The following KRT84 variants were observed in gnomAD, a reference collection of about 807,000 sequenced individuals.
KRT84 encodes the protein keratin, type II cuticular Hb4.
In KRT84, 38 loss-of-function variants were observed where a neutral mutation model predicts 49.0. The ratio of observed to expected loss-of-function variants is 0.78; its 90% CI spans 0.60 to 1.02. The LOEUF (loss-of-function observed/expected upper bound fraction) is 1.02, where lower values mean the gene tolerates loss of function less well. KRT84 is among the 50% of genes least tolerant of loss of function. KRT84 has a pLI of 0.00. For synonymous variants in KRT84, 334 were observed against 312.8 expected (o/e 1.07, Z -0.72); for missense variants, 860 against 788.6 (o/e 1.09, Z -1.08).
rs756326386 is a variant in KRT84 at position 52,380,477 on chromosome 12, G to C, written c.1310C>G (p.Ala437Gly). ...CAGCTGCCGCGCCATGTCCTGCTTG[G>C]CCTGCTGCAGGGCACACTCCAGATC... ...LADLECALQQ[A>G]KQDMARQLCE... Residue 437 changes from alanine (A) to glycine (G), a missense_variant, in exon 7 of 9, where the codon GCC (alanine) becomes GGC (glycine). Ala to Gly is a moderately conservative substitution (Grantham distance 60, BLOSUM62 0). Transcript: ENST00000257951. The C allele has an allele frequency of 2.5e-6, 4 of 1,614,130 alleles. No individual in the cohort carries two copies. The highest frequency in any genetic ancestry group is 3.4e-6 in the Non-Finnish European group (4 of 1,179,954).
intron 4 of KRT84, among the ~76,000 whole-genome samples, chr12:52,382,035 C>T (rs1385450582): frequency 6.6e-6 from 1 of 152,216 alleles, no homozygotes; most frequent in African/African-American, 2.4e-5. Flanking sequence ...TCAGCTCTGG[C>T]TGGGCCTATA....
At chr12:52,382,930 G>T in intron 3 of KRT84, 75 bp downstream of exon 3, 1 of 1,254,298 alleles carries the variant, frequency 8.0e-7, no homozygotes, top group Non-Finnish European at 1.2e-6. Flanking sequence ...GGCTGCCTGA[G>T]CAGTTTCCTG....
At chr12:52,378,589 A>T (rs1024237965) in intron 8 of KRT84, among the ~76,000 whole-genome samples, 4 of 152,196 alleles carry the variant, frequency 2.6e-5, no homozygotes, top group Non-Finnish European at 5.9e-5. Flanking sequence ...AAAATCAAAC[A>T]TTCAGATGAA....
Position 52,378,307 on chromosome 12 carries a change from G to A in KRT84, c.1530C>T (p.Gly510=), listed in dbSNP as rs550159082. Reference sequence around the variant, plus strand: ...TGCTGCTACCTGAGAAGGTGACCCCGCCGCGGGAGAGGGTGGAGCCGGCAA... The same window carrying A: ...TGCTGCTACCTGAGAAGGTGACCCCACCGCGGGAGAGGGTGGAGCCGGCAA... ...PLVAGSTLSR[G]GVTFSGSSSV... The change falls in exon 9 of 9, where the codon GGC becomes GGT. Residue 510 remains glycine, a synonymous_variant. Transcript: ENST00000257951. 8.4e-6 allele frequency: 13 copies of A among 1,538,904 alleles called. No homozygotes were observed. Among genetic ancestry groups the A allele is most frequent in the South Asian group, 3.6e-5 (3 of 83,126 alleles).
Position 52,385,223 on chromosome 12 carries a change from G to A in KRT84, c.363C>T (p.Gly121=). The change falls in exon 1 of 9, where the codon GGC becomes GGT. Residue 121 remains glycine, a synonymous_variant. Coordinates refer to ENST00000257951, the MANE Select transcript of KRT84 (RefSeq NM_033045.4). ...CAACCCCTCCAACTCTGTAACCAAA[G>A]CCAGGGCCACCAAAGCCATAGCCAA... ...SGIGYGFGGP[G]FGYRVGGVGV... The A allele has an allele frequency of 6.2e-7, 1 of 1,613,692 alleles. No homozygotes were observed. The highest frequency in any genetic ancestry group is 8.5e-7 in the Non-Finnish European group (1 of 1,179,736).
chr12:52,384,908 G>T, intron 1 of KRT84, 132 bp downstream of exon 1: 3 of 944,820 alleles, frequency 3.2e-6, no homozygotes, highest in Non-Finnish European at 4.8e-6. Flanking sequence ...CAATGCCTGA[G>T]GTAGGCACTT....
At chr12:52,381,038 G>A in intron 6 of KRT84, 42 bp downstream of exon 6, 1 of 1,605,120 alleles carries the variant, frequency 6.2e-7, no homozygotes, top group Non-Finnish European at 8.5e-7. Flanking sequence ...TGAGGCCCTG[G>A]TTCTCCCTCA....
chr12:52,382,722 C>T (rs1939506524), intron 3 of KRT84, among the ~76,000 whole-genome samples, 190 bp from the exon 4 acceptor site: 1 of 152,226 alleles, frequency 6.6e-6, no homozygotes, highest in Non-Finnish European at 1.5e-5. Flanking sequence ...GGCTGCTGGA[C>T]ATTTCCTGAT....
chr12:52,384,325 A>G (rs1202707911), intron 1 of KRT84, among the ~76,000 whole-genome samples: 1 of 152,208 alleles, frequency 6.6e-6, no homozygotes, highest in Admixed American at 6.5e-5. Context: ...GAGAGGAAGA[A>G]CCCAAAACTT....
chr12:52,382,807 G>A (rs542519957), intron 3 of KRT84, among the ~76,000 whole-genome samples, 198 bp downstream of exon 3: 85 of 152,272 alleles, frequency 5.6e-4, no homozygotes, highest in African/African-American at 2.0e-3. Context: ...GCTCACATGT[G>A]ACCCAATCCT....
chr12:52,380,250 G>T, intron 7 of KRT84, 113 bp downstream of exon 7: 3 of 1,289,392 alleles, frequency 2.3e-6, no homozygotes, highest in Non-Finnish European at 3.2e-6. Context: ...AGAAGGTATT[G>T]TCATCTTTAA....
Position 52,381,533 on chromosome 12 carries a change from G to A in KRT84, c.913-8C>T, listed in dbSNP as rs754769803. The A allele has an allele frequency of 1.4e-5, 22 of 1,613,058 alleles. No homozygotes were observed. The highest frequency in any genetic ancestry group is 1.9e-5 in the Non-Finnish European group (22 of 1,179,466). Reference sequence around the variant, plus strand: ...CTGCAGCAACTGGATTTCCTGTGTTGGAGGATTGGGGAGACAGATGTGCTT... The same window carrying A: ...CTGCAGCAACTGGATTTCCTGTGTTAGAGGATTGGGGAGACAGATGTGCTT... On this transcript the variant is annotated splice_region_variant and splice_polypyrimidine_tract_variant and intron_variant, in intron 4 of 8. Coordinates refer to ENST00000257951, the MANE Select transcript of KRT84 (RefSeq NM_033045.4).
rs1592146943 is a variant in KRT84 at position 52,380,651 on chromosome 12, A to G, written c.1204-68T>C. The G allele has an allele frequency of 2.1e-6, 3 of 1,454,672 alleles. No individual in the cohort carries two copies. The East Asian group carries it at 7.4e-5, about 36-fold the overall frequency. The allele number at this position is 1,454,672 out of a possible 1,614,324, so 90.1% of individuals were successfully genotyped here. A position where few individuals can be genotyped will look rare whatever the true frequency, so the allele number is the denominator to read the frequency against. ...GGCATCCCCAGGTTGGGTTAGAAAC[A>G]CGGCCCCTCTTAGTGGGAACATAGC... On this transcript the variant is annotated intron_variant, in intron 6 of 8. Coordinates refer to ENST00000257951, the MANE Select transcript of KRT84 (RefSeq NM_033045.4).
chr12:52,382,067 T>C (rs1939493467), intron 4 of KRT84, among the ~76,000 whole-genome samples: 3 of 152,252 alleles, frequency 2.0e-5, no homozygotes, highest in Admixed American at 6.5e-5. Flanking sequence ...AGATTGTTTA[T>C]GAAGCAAAAG....
intron 2 of KRT84, 54 bp downstream of exon 2, chr12:52,383,536 T>C: frequency 7.4e-7 from 1 of 1,354,204 alleles, no homozygotes; most frequent in African/African-American, 1.5e-5. Context: ...TGGCAGCTAA[T>C]TCTGGGGCCA....
At chr12:52,381,617 G>A in intron 4 of KRT84, 92 bp from the exon 5 acceptor site, 5 of 1,244,280 alleles carry the variant, frequency 4.0e-6, no homozygotes, top group Middle Eastern at 1.9e-4. Flanking sequence ...GGTGCCAGGG[G>A]CAGAGAGCAT....
chr12:52,382,568 TG>T (rs933687687), intron 3 of KRT84, 36 bp from the exon 4 acceptor site: 39 of 1,536,510 alleles, frequency 2.5e-5, no homozygotes, highest in Non-Finnish European at 3.4e-5. Flanking sequence ...ACTCATCGCC[TG>T]GGCACTGTTT....
chr12:52,386,628 C>T (rs1396895040), upstream of KRT84, among the ~76,000 whole-genome samples: 2 of 151,894 alleles, frequency 1.3e-5, no homozygotes, highest in African/African-American at 4.8e-5. Context: ...ATTTTTAGCC[C>T]CCAAATATAC....
At position 52,377,881 on chromosome 12, in the gene KRT84, C is replaced by T. The variant is rs1939412016; in HGVS notation, c.*153G>A. 4 of 491,400 alleles carry T rather than the reference C, an allele frequency of 8.1e-6. No individual in the cohort carries two copies. Among genetic ancestry groups the T allele is most frequent in the Non-Finnish European group, 1.4e-5 (4 of 293,890 alleles). The allele number at this position is 491,400 out of a possible 1,614,324, so 30.4% of individuals were successfully genotyped here. A position where few individuals can be genotyped will look rare whatever the true frequency, so the allele number is the denominator to read the frequency against. On this transcript the variant is annotated 3_prime_UTR_variant, in exon 9 of 9. Transcript: ENST00000257951. ...AAAATCCTCCAAGAGGACATGGGGC[C>T]AGGCAGAATAATCGGGGGAGTGCTA...
Sources: allele counts gnomAD v4.1 joint callset (sites outside exome capture counted in the v4.1 genomes callset), GRCh38; gene constraint gnomAD v4.1.1; transcripts MANE v1.5; gene names NCBI Gene and HGNC (gene_info 2026-07-23, HGNC 2026-07-21).